Variants in SGSM3 observed in about 807,000 individuals in gnomAD.
SGSM3 encodes the protein RUN and SH3 containing 3.
A neutral mutation model predicts 100.5 loss-of-function variants in SGSM3; 96 were observed. The observed-to-expected ratio is 0.96, with a 90% CI of 0.81 to 1.13. The LOEUF is 1.13. Ranked by LOEUF, SGSM3 falls within the 50% of genes most tolerant of loss-of-function variation. The pLI, the probability that SGSM3 is intolerant of heterozygous loss-of-function variation, is 0.00. For missense variants in SGSM3, 1,001 were observed against 1,015.8 expected, an observed-to-expected ratio of 0.99 and a Z score of 0.20; for synonymous variants, 483 against 422.8, an observed-to-expected ratio of 1.14 and a Z score of -1.75.
rs2051481518 is a variant in SGSM3, at chr22:40,406,221, A to G, written c.958A>G (p.Lys320Glu). The G allele has an allele frequency of 1.9e-6, 3 of 1,613,754 alleles. No individual in the cohort carries two copies. The highest frequency in any genetic ancestry group is 1.3e-5 in the African/African-American group (1 of 74,940). The change falls in exon 9 of 22, where the codon AAG becomes GAG. Residue 320 changes from lysine to glutamate, a missense_variant and splice_region_variant. Transcript: ENST00000248929. ...FQLTLGMLHLKEEELIQSENS... is the reference protein window; with the variant it reads ...FQLTLGMLHLEEEELIQSENS... ...GCTCACGCTGGGCATGCTGCACCTCAAGGTGCTCCACGGCCCCACTTCAGG... is the reference window on the plus strand; with the variant it reads ...GCTCACGCTGGGCATGCTGCACCTCGAGGTGCTCCACGGCCCCACTTCAGG...
At position 40,385,389 on chromosome 22, in the gene SGSM3, G is replaced by T. The variant is rs140641673; in HGVS notation, c.-112+14701G>T. ...GTTTTGTTTAATTCAGGGTTCAGGA[G>T]ATCTAAGTATTTGCAGTGGACACGA... is the stretch of plus-strand genomic sequence containing the variant. On this transcript the variant is annotated intron_variant, in intron 1 of 21. Coordinates refer to ENST00000248929, the MANE Select transcript of SGSM3 (RefSeq NM_015705.6). Among the ~76,000 whole-genome samples the T allele has an allele frequency of 3.6e-3, 545 of 152,294 alleles. 10 individuals carry two copies. In the Middle Eastern group the frequency reaches 0.041, roughly 11 times the overall value.
At chr22:40,378,390 C>T (rs1882494393) in intron 1 of SGSM3, 1 of 152,202 alleles carries the variant, frequency 6.6e-6, no homozygotes, top group Non-Finnish European at 1.5e-5. Flanking sequence ...AATAGTGCCA[C>T]TGCATTCCAG....
chr22:40,404,685 C>A (rs1336264124), intron 6 of SGSM3, 21 bp downstream of exon 6: 1 of 1,555,686 alleles, frequency 6.4e-7, no homozygotes, highest in Non-Finnish European at 8.8e-7. Context: ...TGGCACTGTG[C>A]AGGAAGAGCT....
intron 1 of SGSM3, among the ~76,000 whole-genome samples, chr22:40,394,502 C>T (rs572880797): frequency 9.9e-5 from 15 of 152,100 alleles, no homozygotes; most frequent in East Asian, 1.9e-4. Context: ...AAAAATTAGC[C>T]GGGTGCGGTG....
intron 7 of SGSM3, among the ~76,000 whole-genome samples, 175 bp downstream of exon 7, chr22:40,405,459 G>C (rs1207365160): frequency 6.6e-6 from 1 of 152,202 alleles, no homozygotes; most frequent in Non-Finnish European, 1.5e-5. Context: ...TGCACGTTAT[G>C]CAAGCAGAGG....
Position 40,404,602 on chromosome 22 carries a change from G to A in SGSM3, c.412G>A (p.Glu138Lys). ...GGCCCTGCAGAAGAAGAGGAACTCT[G>A]AGCTGTCCTACCGCGAGATTGTGAA... Reference protein sequence around the residue: ...SGALQKKRNSELSYREIVKNS... With the variant: ...SGALQKKRNSKLSYREIVKNS... The change falls in exon 6 of 22, where the codon GAG (glutamate) becomes AAG (lysine). Residue 138 changes from glutamate (E) to lysine (K), a missense_variant. Glu to Lys is a moderately conservative substitution (Grantham distance 56). Transcript: ENST00000248929. 1 of 1,613,856 alleles carries A rather than the reference G, an allele frequency of 6.2e-7. No homozygotes were observed. Among genetic ancestry groups the A allele is most frequent in the Non-Finnish European group, 8.5e-7 (1 of 1,179,948 alleles).
Position 40,407,279 on chromosome 22 carries a change from T to C in SGSM3, c.1319T>C (p.Leu440Pro). Residue 440 changes from leucine (L) to proline (P), a missense_variant, in exon 12 of 22, where the codon CTG (leucine) becomes CCG (proline). Coordinates refer to ENST00000248929, the MANE Select transcript of SGSM3 (RefSeq NM_015705.6). This position sits in a 1 kb window ranked among gnomAD's most constrained non-coding sequence, Gnocchi z 4.7. ...GTGGCTGACCTCCGGGAAGCCATCC[T>C]GCGCGTGGCACGCCACTTCCAGTGC... Reference protein sequence around the residue: ...ELVADLREAILRVARHFQCTD... With the variant: ...ELVADLREAIPRVARHFQCTD... The C allele has an allele frequency of 5.6e-6, 9 of 1,613,590 alleles. No homozygotes were observed. The highest frequency in any genetic ancestry group is 7.6e-6 in the Non-Finnish European group (9 of 1,180,016).
chr22:40,401,427 A>C (rs1303962932), intron 2 of SGSM3, among the ~76,000 whole-genome samples, 166 bp from the exon 3 acceptor site: 1 of 152,046 alleles, frequency 6.6e-6, no homozygotes, highest in African/African-American at 2.4e-5. Context: ...TTGTATTTTT[A>C]GTAGAGATGG....
At chr22:40,375,472 C>T (rs576111552) in intron 1 of SGSM3, among the ~76,000 whole-genome samples, 2 of 151,556 alleles carry the variant, frequency 1.3e-5, no homozygotes, top group African/African-American at 2.4e-5. Context: ...CCCAGCTATT[C>T]GGGAGGCTGA....
intron 1 of SGSM3, among the ~76,000 whole-genome samples, chr22:40,383,410 T>G (rs2047905495): frequency 6.8e-6 from 1 of 147,094 alleles, no homozygotes; most frequent in Non-Finnish European, 1.5e-5. Flanking sequence ...GAGCTCGCAG[T>G]GAGCCGAGAT....
chr22:40,407,168 G>A lies in SGSM3; in HGVS notation c.1241-33G>A, dbSNP rs1284304988. The stretch of plus-strand genomic sequence containing the variant: ...CTTCCTCCTCGGGGGCCTGGAGTGG[G>A]CTGTGGTCACCATGGTTCTCTGGGC... On this transcript the variant is annotated intron_variant, in intron 11 of 21. Transcript: ENST00000248929. The surrounding 1 kb of genome is among the most constrained non-coding windows in gnomAD (Gnocchi z 4.7). 1.9e-6 allele frequency: 3 copies of A among 1,612,952 alleles called. No individual in the cohort carries two copies. The highest frequency in any genetic ancestry group is 1.3e-5 in the African/African-American group (1 of 74,888).
At chr22:40,397,518 C>T (rs1404431524) in intron 1 of SGSM3, among the ~76,000 whole-genome samples, 1 of 152,200 alleles carries the variant, frequency 6.6e-6, no homozygotes, top group African/African-American at 2.4e-5. Flanking sequence ...CTATGTCCAC[C>T]ACCACCTCTG....
chr22:40,401,657 C>T lies in SGSM3; in HGVS notation c.72C>T (p.Ile24=), dbSNP rs1355299007. 1.9e-6 allele frequency: 3 copies of T among 1,613,084 alleles called. No homozygotes were observed. The African/African-American group carries it at 4.0e-5, about 22-fold the overall frequency. The change falls in exon 3 of 22, where the codon ATC becomes ATT. Residue 24 remains isoleucine (I), a synonymous_variant. Coordinates refer to ENST00000248929, the MANE Select transcript of SGSM3 (RefSeq NM_015705.6). Reference sequence around the variant, plus strand: ...CTCCGAGCATATGGCCCCAGGAGATCTTGGCCAAGTACACGCAGGTATAGC... The same window carrying T: ...CTCCGAGCATATGGCCCCAGGAGATTTTGGCCAAGTACACGCAGGTATAGC... ...ALTPSIWPQE[I]LAKYTQKEES...
chr22:40,385,388 A>G (rs1162670822), intron 1 of SGSM3, among the ~76,000 whole-genome samples: 1 of 152,166 alleles, frequency 6.6e-6, no homozygotes, highest in Non-Finnish European at 1.5e-5. Context: ...AGGGTTCAGG[A>G]GATCTAAGTA....
At chr22:40,374,632 C>T (rs1408789560) in intron 1 of SGSM3, among the ~76,000 whole-genome samples, 1 of 152,224 alleles carries the variant, frequency 6.6e-6, no homozygotes, top group African/African-American at 2.4e-5. Flanking sequence ...CCTGTAATCC[C>T]AGCACTTTGG....
At chr22:40,386,562 C>CTTTTTTTTTT (rs60319316) in intron 1 of SGSM3, among the ~76,000 whole-genome samples, 1 of 68,366 alleles carries the variant, frequency 1.5e-5, no homozygotes, top group Non-Finnish European at 2.7e-5. Context: ...AATTTTCTTA[C>CTTTTTTTTTT]TTTTTTTTTT....
chr22:40,406,507 A>G lies in SGSM3; in HGVS notation c.1030A>G (p.Met344Val). The change falls in exon 10 of 22, where the codon ATG becomes GTG. Residue 344 changes from methionine to valine, a missense_variant. Met to Val is a conservative substitution (Grantham distance 21). Transcript: ENST00000248929. ...FNTLSDIPSQ[M>V]EDAELLLGVA... ...CACGCTATCGGATATCCCGTCGCAG[A>G]TGGAGGACGCGGAGCTGCTTCTGGG... 1.9e-6 allele frequency: 3 copies of G among 1,612,312 alleles called. No individual in the cohort carries two copies. Among genetic ancestry groups the G allele is most frequent in the African/African-American group, 1.3e-5 (1 of 75,036 alleles).
chr22:40,410,049 G>T lies in SGSM3; in HGVS notation c.*290G>T, dbSNP rs1180465936. 3.1e-6 allele frequency: 4 copies of T among 1,300,806 alleles called. No individual in the cohort carries two copies. Among genetic ancestry groups the T allele is most frequent in the African/African-American group, 3.1e-5 (2 of 65,334 alleles). 80.6% of individuals were successfully genotyped at this position (1,300,806 alleles called of 1,614,324 possible). On this transcript the variant is annotated 3_prime_UTR_variant, in exon 22 of 22. Coordinates refer to ENST00000248929, the MANE Select transcript of SGSM3 (RefSeq NM_015705.6). ...CTCAGGAAGAGGGAAGGGGATGGGG[G>T]TGGCTAGTAGGCTCCTGGCCTCTTT...
chr22:40,375,074 C>T (rs2046326711), intron 1 of SGSM3, among the ~76,000 whole-genome samples: 2 of 152,176 alleles, frequency 1.3e-5, no homozygotes, highest in African/African-American at 2.4e-5. Flanking sequence ...AGGAGAGATA[C>T]ATTCACCTCT....
Sources: gnomAD v4.1 joint callset for allele counts (sites outside exome capture counted in the v4.1 genomes callset) on GRCh38, gnomAD v4.1.1 for gene constraint, Gnocchi (gnomAD v3.1) non-coding constraint, MANE v1.5 for transcripts, NCBI Gene and HGNC (gene_info 2026-07-23, HGNC 2026-07-21) for gene names.